The following CNTN5 variants were observed in gnomAD, a reference collection of about 807,000 sequenced individuals.
CNTN5 encodes contactin-5.
A neutral mutation model predicts 129.1 loss-of-function variants in CNTN5; 77 were observed. The ratio of observed to expected loss-of-function variants is 0.60; its 90% CI spans 0.50 to 0.72. CNTN5 has a LOEUF of 0.72. CNTN5 is among the 30% of genes least tolerant of loss of function. The pLI is 0.00. For synonymous variants in CNTN5, 509 were observed against 465.6 expected (o/e 1.09, Z -1.20); for missense variants, 1,478 against 1,328.8 (o/e 1.11, Z -1.75).
intron 1 of CNTN5, among the ~76,000 whole-genome samples, chr11:99,182,839 G>T (rs1196689026): frequency 6.6e-6 from 1 of 152,064 alleles, no homozygotes; most frequent in African/African-American, 2.4e-5. Flanking sequence ...TCCTGACGTT[G>T]AGCTTCACTG....
chr11:99,672,882 GA>G (rs1275941298), intron 3 of CNTN5, among the ~76,000 whole-genome samples: 1 of 151,994 alleles, frequency 6.6e-6, no homozygotes, highest in Non-Finnish European at 1.5e-5. Flanking sequence ...AGATGGAAAA[GA>G]AAAAAAGTGG....
intron 2 of CNTN5, among the ~76,000 whole-genome samples, chr11:99,510,567 G>A (rs1946797151): frequency 6.6e-6 from 1 of 152,134 alleles, no homozygotes; most frequent in South Asian, 2.1e-4. Context: ...TATGCATACA[G>A]TCATGTACCC....
intron 3 of CNTN5, among the ~76,000 whole-genome samples, chr11:99,557,770 T>A (rs530714529): frequency 1.3e-5 from 2 of 151,826 alleles, no homozygotes; most frequent in African/African-American, 4.8e-5. Context: ...CAAAACATTA[T>A]TTGAAATCTA....
intron 13 of CNTN5, among the ~76,000 whole-genome samples, chr11:100,083,090 C>A (rs138427003): frequency 4.0e-5 from 6 of 151,852 alleles, no homozygotes; most frequent in Admixed American, 3.9e-4. Context: ...CTGAGGCAGG[C>A]GGATCACCTG....
chr11:99,751,877 G>A (rs1309459923), intron 3 of CNTN5, among the ~76,000 whole-genome samples: 1 of 152,138 alleles, frequency 6.6e-6, no homozygotes, highest in Non-Finnish European at 1.5e-5. Context: ...GATTATAAAA[G>A]AGGCTTCACA....
intron 1 of CNTN5, among the ~76,000 whole-genome samples, chr11:99,178,914 A>T (rs187181971): frequency 6.6e-6 from 1 of 152,258 alleles, no homozygotes; most frequent in African/African-American, 2.4e-5. Flanking sequence ...TGAAAGTATA[A>T]GTTGAAGTAA....
intron 11 of CNTN5, among the ~76,000 whole-genome samples, chr11:100,070,864 A>G (rs1341656818): frequency 6.6e-6 from 1 of 152,078 alleles, no homozygotes; most frequent in Non-Finnish European, 1.5e-5. Context: ...ACTGTTTTCA[A>G]TCCTATAAAT....
At chr11:99,038,338 A>G (rs1370215295) in intron 1 of CNTN5, among the ~76,000 whole-genome samples, 1 of 152,202 alleles carries the variant, frequency 6.6e-6, no homozygotes, top group Non-Finnish European at 1.5e-5. Context: ...TGATGTTTTG[A>G]TAACATCATT....
intron 13 of CNTN5, among the ~76,000 whole-genome samples, chr11:100,132,648 T>C (rs1946410364): frequency 6.6e-6 from 1 of 152,100 alleles, no homozygotes; most frequent in Non-Finnish European, 1.5e-5. Context: ...TATTTATCTT[T>C]TGAGAATATC....
chr11:99,244,725 G>T (rs1449058643), intron 1 of CNTN5, among the ~76,000 whole-genome samples: 2 of 152,116 alleles, frequency 1.3e-5, no homozygotes, highest in African/African-American at 2.4e-5. Flanking sequence ...ACTTTTTGGT[G>T]CTTAGGCATA....
At chr11:100,273,048 G>C (rs1051749374) in intron 18 of CNTN5, among the ~76,000 whole-genome samples, 6 of 152,150 alleles carry the variant, frequency 3.9e-5, no homozygotes, top group Non-Finnish European at 8.8e-5. Flanking sequence ...AACTCTGTAA[G>C]GCAGTTTTGC....
chr11:99,246,816 A>T (rs987228112), intron 1 of CNTN5, among the ~76,000 whole-genome samples: 1 of 152,172 alleles, frequency 6.6e-6, no homozygotes, highest in African/African-American at 2.4e-5. Flanking sequence ...TGACAAAGCA[A>T]GAATCATTAC....
chr11:99,901,606 T>C (rs547344181), intron 6 of CNTN5, among the ~76,000 whole-genome samples: 3 of 152,308 alleles, frequency 2.0e-5, no homozygotes, highest in Admixed American at 6.5e-5. Flanking sequence ...TCATACATTT[T>C]CTATTCATGA....
At chr11:99,222,051 A>C (rs1022447902) in intron 1 of CNTN5, among the ~76,000 whole-genome samples, 1 of 151,872 alleles carries the variant, frequency 6.6e-6, no homozygotes, top group East Asian at 1.9e-4. Flanking sequence ...ATTCATCCTC[A>C]TGTATTTGCT....
At chr11:99,887,900 G>A (rs1033703767) in intron 6 of CNTN5, among the ~76,000 whole-genome samples, 2 of 152,146 alleles carry the variant, frequency 1.3e-5, no homozygotes, top group African/African-American at 4.8e-5. Flanking sequence ...GCCTCTCCCA[G>A]TCCACTCACT....
In CNTN5 at chr11:99,731,380, C is replaced by A. The variant is rs78894734; in HGVS notation, c.56-88164C>A. Among the ~76,000 whole-genome samples the A allele has an allele frequency of 2.8e-3, 422 of 152,184 alleles. 2 individuals are homozygous for A. The highest frequency in any genetic ancestry group is 9.8e-3 in the African/African-American group (405 of 41,528). ...CCTAAGAGTTTATCTTTTCTTACAA[C>A]TTCTTTTATACTGAAAAGAAGCTCT... is the stretch of plus-strand genomic sequence containing the variant. On this transcript the variant is annotated intron_variant, in intron 3 of 24. Coordinates refer to ENST00000524871, the MANE Select transcript of CNTN5 (RefSeq NM_014361.4).
At chr11:99,148,932 C>T (rs1336184822) in intron 1 of CNTN5, among the ~76,000 whole-genome samples, 8 of 151,872 alleles carry the variant, frequency 5.3e-5, no homozygotes, top group African/African-American at 1.5e-4. Flanking sequence ...CCCTTCTATC[C>T]TCAATTTTAA....
At chr11:100,067,218 A>C (rs1006694148) in intron 10 of CNTN5, among the ~76,000 whole-genome samples, 4 of 152,036 alleles carry the variant, frequency 2.6e-5, no homozygotes, top group Non-Finnish European at 2.9e-5. Context: ...TGTTTATTCA[A>C]TTATGACATT....
intron 8 of CNTN5, among the ~76,000 whole-genome samples, chr11:99,961,022 G>A (rs1428863451): frequency 6.6e-6 from 1 of 151,842 alleles, no homozygotes; most frequent in Non-Finnish European, 1.5e-5. Context: ...AACCAACATG[G>A]AGAAAACCTG....
Sources: gnomAD v4.1 joint callset for allele counts (sites outside exome capture counted in the v4.1 genomes callset) on GRCh38, gnomAD v4.1.1 for gene constraint, MANE v1.5 for transcripts, NCBI Gene and HGNC (gene_info 2026-07-23, HGNC 2026-07-21) for gene names.